ATE1: variants seen among roughly 807,000 people sequenced by gnomAD.
The protein encoded by ATE1 is arginyl-tRNA--protein transferase 1.
Under a neutral mutation model 70.5 loss-of-function variants are expected in ATE1, and 36 were observed. The ratio of observed to expected loss-of-function variants is 0.51; its 90% CI spans 0.39 to 0.67. ATE1 has a LOEUF of 0.67. ATE1 is among the 30% of genes least tolerant of loss of function. The probability of loss-of-function intolerance (pLI) is 0.00; values close to 1 mark genes in which losing one functional copy is unlikely to be tolerated. For missense variants in ATE1, 593 were observed against 629.5 expected (o/e 0.94, Z 0.62); for synonymous variants, 232 against 219.3 (o/e 1.06, Z -0.51).
intron 8 of ATE1, among the ~76,000 whole-genome samples, chr10:121,852,246 G>GT: frequency 6.6e-6 from 1 of 152,266 alleles, no homozygotes; most frequent in Admixed American, 6.5e-5. Flanking sequence ...CTCCCACATT[G>GT]TACCTGTACA....
intron 8 of ATE1, among the ~76,000 whole-genome samples, chr10:121,848,158 G>A (rs1948909032): frequency 6.6e-6 from 1 of 152,070 alleles, no homozygotes; most frequent in Non-Finnish European, 1.5e-5. Context: ...TATTTAAGGT[G>A]GAAAGCCTGT....
At chr10:121,761,294 C>A (rs775742137) in intron 11 of ATE1, among the ~76,000 whole-genome samples, 10 of 152,206 alleles carry the variant, frequency 6.6e-5, no homozygotes, top group Non-Finnish European at 1.3e-4. Flanking sequence ...TTTACAGCAA[C>A]ACCAAAGACA....
intron 7 of ATE1, among the ~76,000 whole-genome samples, chr10:121,894,818 C>G (rs4752620): frequency 0.43 from 65,817 of 151,544 alleles, 15,359 homozygotes; most frequent in South Asian, 0.53. Flanking sequence ...GGAGAATGGC[C>G]CGAACCCGAG....
chr10:121,823,731 G>C (rs189483412), intron 10 of ATE1, among the ~76,000 whole-genome samples: 5 of 152,310 alleles, frequency 3.3e-5, no homozygotes, highest in East Asian at 3.9e-4. Flanking sequence ...ATTGTAAAGA[G>C]AGAGATTAGA....
intron 11 of ATE1, among the ~76,000 whole-genome samples, chr10:121,776,386 G>C (rs1276197242): frequency 6.6e-6 from 1 of 152,042 alleles, no homozygotes; most frequent in African/African-American, 2.4e-5. Context: ...TATTTACAGA[G>C]AAGAGCAAGA....
At chr10:121,809,892 C>T (rs1232687530) in intron 10 of ATE1, among the ~76,000 whole-genome samples, 1 of 148,690 alleles carries the variant, frequency 6.7e-6, no homozygotes, top group East Asian at 2.0e-4. Context: ...AAAAACAAAA[C>T]AAAACAAAAC....
intron 10 of ATE1, among the ~76,000 whole-genome samples, chr10:121,834,730 A>AG (rs1448360249): frequency 1.3e-5 from 2 of 152,174 alleles, no homozygotes; most frequent in Admixed American, 1.3e-4. Flanking sequence ...AAGAAAAAAA[A>AG]CAAAGACCCA....
chr10:121,836,641 A>T (rs1948443400), intron 10 of ATE1, 77 bp downstream of exon 10: 1 of 901,514 alleles, frequency 1.1e-6, no homozygotes, highest in African/African-American at 1.7e-5. Context: ...CTTCAAACCC[A>T]GTGCCCTGAG....
chr10:121,825,538 C>T (rs553575102), intron 10 of ATE1, among the ~76,000 whole-genome samples: 1 of 152,306 alleles, frequency 6.6e-6, no homozygotes, highest in East Asian at 1.9e-4. Context: ...ATAAGAGGCA[C>T]AACTCTGACA....
intron 7 of ATE1, chr10:121,898,911 G>C: frequency 6.2e-7 from 1 of 1,613,962 alleles, no homozygotes; most frequent in East Asian, 2.2e-5. Flanking sequence ...CAAAGAAAAG[G>C]ACTGGCTGAA....
At chr10:121,855,096 G>A (rs1005887492) in intron 8 of ATE1, among the ~76,000 whole-genome samples, 6 of 152,090 alleles carry the variant, frequency 3.9e-5, no homozygotes, top group African/African-American at 1.4e-4. Flanking sequence ...AGAGATGAGG[G>A]GGCATTCTTA....
At chr10:121,812,018 C>G (rs1947341996) in intron 10 of ATE1, among the ~76,000 whole-genome samples, 1 of 135,104 alleles carries the variant, frequency 7.4e-6, no homozygotes, top group African/African-American at 2.8e-5. Flanking sequence ...ATAGTGGGCA[C>G]TATCTCAGCC....
intron 11 of ATE1, among the ~76,000 whole-genome samples, chr10:121,789,700 G>A (rs1319489308): frequency 2.6e-5 from 4 of 152,058 alleles, no homozygotes; most frequent in Non-Finnish European, 5.9e-5. Context: ...GGAAGGGTAC[G>A]CCAGAGATAC....
chr10:121,895,368 G>A (rs1950739528), intron 7 of ATE1, among the ~76,000 whole-genome samples: 1 of 152,164 alleles, frequency 6.6e-6, no homozygotes, highest in Admixed American at 6.5e-5. Context: ...CTAGCACCTC[G>A]GGAGGCCGAG....
chr10:121,852,388 C>T (rs1380022400), intron 8 of ATE1, among the ~76,000 whole-genome samples: 2 of 151,620 alleles, frequency 1.3e-5, no homozygotes, highest in Middle Eastern at 3.2e-3. Context: ...CTCACTCCTG[C>T]AACTGTTTTG....
chr10:121,753,193 T>C (rs1564808886), intron 11 of ATE1, among the ~76,000 whole-genome samples: 1 of 152,218 alleles, frequency 6.6e-6, no homozygotes, highest in Non-Finnish European at 1.5e-5. Context: ...CTGAACTCAT[T>C]TTATTTGATA....
chr10:121,911,004 T>G lies in ATE1; in HGVS notation c.485A>C (p.Glu162Ala), dbSNP rs779319322. Residue 162 changes from glutamate to alanine, a missense_variant, in exon 5 of 12, where the codon GAA becomes GCA. This residue lies in a region of ATE1 where 467 missense variants were observed against 469.6 expected (regional missense o/e 0.99). Coordinates refer to ENST00000224652, the MANE Select transcript of ATE1 (RefSeq NM_001001976.3). ...ESEGKNSKKEEPQELLQSQDF... is the reference protein window; with the variant it reads ...ESEGKNSKKEAPQELLQSQDF... ...TTGTGACTGAAGTAATTCCTGAGGT[T>G]CTTCTTTCTTTGAATTTTTTCCTTC... 2 of 1,614,066 alleles carry G rather than the reference T, an allele frequency of 1.2e-6. No homozygotes were observed. Among genetic ancestry groups the G allele is most frequent in the South Asian group, 1.1e-5 (1 of 91,034 alleles).
chr10:121,778,232 T>C lies in ATE1; in HGVS notation c.1378+11937A>G, dbSNP rs376356553. Among the ~76,000 whole-genome samples, 7 of 152,310 alleles carry C rather than the reference T, an allele frequency of 4.6e-5. No individual in the cohort carries two copies. The South Asian group carries it at 6.2e-4, about 14-fold the overall frequency. ...GTTGAGACAACCAGTGTCTTTCCAT[T>C]GTAGGCTGTGATCTTTTAGTGGGGT... On this transcript the variant is annotated intron_variant, in intron 11 of 11. Transcript: ENST00000224652.
chr10:121,821,123 G>A (rs979157270), intron 10 of ATE1, among the ~76,000 whole-genome samples: 14 of 151,980 alleles, frequency 9.2e-5, no homozygotes, highest in African/African-American at 1.9e-4. Flanking sequence ...TTTTTGTATC[G>A]TTAGTAGAGA....
Sources: allele counts gnomAD v4.1 joint callset (sites outside exome capture counted in the v4.1 genomes callset), GRCh38; gene constraint gnomAD v4.1.1; regional missense constraint gnomAD v4.1.1; transcripts MANE v1.5; gene names NCBI Gene and HGNC (gene_info 2026-07-23, HGNC 2026-07-21).